DPH5: variants seen among roughly 807,000 people sequenced by gnomAD.
DPH5 encodes the protein diphthamide biosynthesis 5.
A neutral mutation model predicts 31.6 loss-of-function variants in DPH5; 31 were observed. The observed-to-expected ratio is 0.98, with a 90% CI of 0.74 to 1.32. The LOEUF (loss-of-function observed/expected upper bound fraction) is 1.32. Among genes scored for constraint, DPH5 ranks in the 40% most tolerant of loss-of-function variants. The pLI is 0.00. For missense variants in DPH5, 309 were observed against 335.7 expected, an observed-to-expected ratio of 0.92 and a Z score of 0.62; for synonymous variants, 120 against 115.0, an observed-to-expected ratio of 1.04 and a Z score of -0.28.
intron 5 of DPH5, among the ~76,000 whole-genome samples, chr1:101,000,031 TA>T (rs1307974725): frequency 6.6e-6 from 1 of 150,608 alleles, no homozygotes; most frequent in African/African-American, 2.4e-5. Flanking sequence ...CCTGTAGTCC[TA>T]ACTACCCAGG....
At chr1:101,023,645 T>C (rs1660626971) in intron 2 of DPH5, among the ~76,000 whole-genome samples, 1 of 152,210 alleles carries the variant, frequency 6.6e-6, no homozygotes, top group South Asian at 2.1e-4. Context: ...ATACATCATC[T>C]CAATAAAACA....
chr1:101,005,463 T>C (rs1052252112), intron 4 of DPH5, among the ~76,000 whole-genome samples: 3 of 152,206 alleles, frequency 2.0e-5, no homozygotes, highest in Non-Finnish European at 2.9e-5. Flanking sequence ...ACAATTTGCA[T>C]GCCATTGATG....
intron 6 of DPH5, 146 bp from the exon 7 acceptor site, chr1:100,992,886 C>A: frequency 2.0e-6 from 1 of 512,492 alleles, no homozygotes; most frequent in Non-Finnish European, 3.5e-6. Context: ...TTTAAGCATA[C>A]ACAAAAGCAT....
chr1:100,992,550 C>T (rs1657854070), intron 7 of DPH5, 87 bp downstream of exon 7: 2 of 889,258 alleles, frequency 2.2e-6, no homozygotes, highest in Non-Finnish European at 3.5e-6. Context: ...CTCTTGCTTC[C>T]ATAGTGGTAT....
At chr1:101,011,166 G>A (rs1291438544) in intron 4 of DPH5, among the ~76,000 whole-genome samples, 1 of 152,122 alleles carries the variant, frequency 6.6e-6, no homozygotes, top group Admixed American at 6.5e-5. Context: ...GCATTATGCA[G>A]GATATCTATA....
intron 3 of DPH5, among the ~76,000 whole-genome samples, chr1:101,019,657 A>G (rs1394638965): frequency 1.3e-5 from 2 of 152,152 alleles, no homozygotes; most frequent in South Asian, 4.1e-4. Flanking sequence ...CTCATATTCC[A>G]ATTAAAATTA....
intron 2 of DPH5, among the ~76,000 whole-genome samples, chr1:101,022,227 A>G (rs763714493): frequency 2.6e-5 from 4 of 152,228 alleles, no homozygotes; most frequent in Admixed American, 6.5e-5. Flanking sequence ...TCAGCTAGAA[A>G]AAAAAGGCAG....
At chr1:101,012,498 T>G (rs1482210589) in intron 4 of DPH5, among the ~76,000 whole-genome samples, 2 of 152,312 alleles carry the variant, frequency 1.3e-5, no homozygotes, top group South Asian at 4.1e-4. Context: ...TGAATGACCT[T>G]GGGAACATAT....
chr1:101,018,323 C>T (rs893210682), intron 3 of DPH5, among the ~76,000 whole-genome samples: 3 of 151,716 alleles, frequency 2.0e-5, no homozygotes, highest in East Asian at 1.9e-4. Context: ...ATGCAACCTC[C>T]GCCTCCCGGG....
At chr1:101,001,649 G>T in intron 4 of DPH5, 62 bp from the exon 5 acceptor site, 1 of 1,275,234 alleles carries the variant, frequency 7.8e-7, no homozygotes, top group Non-Finnish European at 1.1e-6. Context: ...GATAAGGAGA[G>T]AATTTAATCA....
At chr1:101,021,495 A>T in intron 3 of DPH5, 146 bp downstream of exon 3, 2 of 702,530 alleles carry the variant, frequency 2.8e-6, no homozygotes, top group Non-Finnish European at 4.5e-6. Flanking sequence ...ATGAAAGTTT[A>T]AACTATGACA....
In DPH5 at chr1:100,990,561, G is replaced by T; in HGVS notation, c.705C>A (p.Gly235=). 6.2e-7 allele frequency: 1 copy of T among 1,614,096 alleles called. No homozygotes were observed. The highest frequency in any genetic ancestry group is 8.5e-7 in the Non-Finnish European group (1 of 1,180,014). The change falls in exon 8 of 8, where the codon GGC becomes GGA. Residue 235 remains glycine, a synonymous_variant. Transcript: ENST00000370109. ...CCACAGTGCACATTTGCCTTAAAGTGCCTGCTGCAATTTTCTGGTCGTCGG... is the reference window on the plus strand; with the variant it reads ...CCACAGTGCACATTTGCCTTAAAGTTCCTGCTGCAATTTTCTGGTCGTCGG... ...VGADDQKIAA[G]TLRQMCTVDL...
chr1:101,000,071 C>T (rs1000808483), intron 5 of DPH5, among the ~76,000 whole-genome samples: 11 of 150,776 alleles, frequency 7.3e-5, no homozygotes, highest in African/African-American at 2.7e-4. Flanking sequence ...TGCCTGAATC[C>T]AGGAGGCAGA....
In DPH5 at chr1:101,025,765, C is replaced by A. The variant is rs1185766414; in HGVS notation, c.-106G>T. 1 of 294,268 alleles carries A rather than the reference C, an allele frequency of 3.4e-6. No individual in the cohort carries two copies. The highest frequency in any genetic ancestry group is 8.7e-5 in the East Asian group (1 of 11,546). 18.2% of individuals were successfully genotyped at this position (294,268 alleles called of 1,614,324 possible). ...TCCGCAGAAGCAACTGCAAAAGCGC[C>A]GGCTCCGTGCAGAGAAAAGGCCCAC... On this transcript the variant is annotated 5_prime_UTR_variant, in exon 1 of 8. Transcript: ENST00000370109.
intron 3 of DPH5, among the ~76,000 whole-genome samples, chr1:101,014,301 A>C (rs1331376959): frequency 1.3e-5 from 2 of 152,232 alleles, no homozygotes; most frequent in Non-Finnish European, 2.9e-5. Context: ...GTATACCATG[A>C]AGATATTGCA....
At chr1:100,993,182 T>C (rs1657939227) in intron 6 of DPH5, among the ~76,000 whole-genome samples, 1 of 152,104 alleles carries the variant, frequency 6.6e-6, no homozygotes, top group South Asian at 2.1e-4. Flanking sequence ...CTTAAAAATC[T>C]CAGGTGATGG....
intron 3 of DPH5, among the ~76,000 whole-genome samples, chr1:101,020,031 G>A (rs1171622179): frequency 1.3e-5 from 2 of 152,164 alleles, no homozygotes; most frequent in Non-Finnish European, 2.9e-5. Context: ...TTAGCATAGC[G>A]GTTAAAGAGT....
chr1:101,008,589 G>A (rs1659407810), intron 4 of DPH5, among the ~76,000 whole-genome samples: 1 of 152,098 alleles, frequency 6.6e-6, no homozygotes, highest in African/African-American at 2.4e-5. Flanking sequence ...TATATTCTAA[G>A]CCTCGTGTTA....
At chr1:100,992,567 T>C in intron 7 of DPH5, 70 bp downstream of exon 7, 4 of 1,087,396 alleles carry the variant, frequency 3.7e-6, no homozygotes, top group Non-Finnish European at 5.6e-6. Context: ...GTATGAGATA[T>C]TAAGTCATAT....
Sources: gnomAD v4.1 joint callset for allele counts (sites outside exome capture counted in the v4.1 genomes callset) on GRCh38, gnomAD v4.1.1 for gene constraint, MANE v1.5 for transcripts, NCBI Gene and HGNC (gene_info 2026-07-23, HGNC 2026-07-21) for gene names.